ASB5: variants seen among roughly 807,000 people sequenced by gnomAD.
ASB5 encodes the protein ankyrin repeat and SOCS box protein 5.
In ASB5, 45 loss-of-function variants were observed where a neutral mutation model predicts 42.1. The observed-to-expected ratio is 1.07, with a 90% confidence interval of 0.84 to 1.37. The LOEUF (loss-of-function observed/expected upper bound fraction) is 1.37, where lower values mean the gene tolerates loss of function less well. ASB5 is among the 40% of genes most tolerant of loss of function. ASB5 has a pLI of 0.00. For missense variants in ASB5, 402 were observed against 399.8 expected (o/e 1.01, Z -0.05); for synonymous variants, 147 against 150.6 (o/e 0.98, Z 0.18).
chr4:176,221,555 A>C lies in ASB5; in HGVS notation c.430T>G (p.Cys144Gly). 1 of 1,613,832 alleles carries C rather than the reference A, an allele frequency of 6.2e-7. No homozygotes were observed. Among genetic ancestry groups the C allele is most frequent in the Non-Finnish European group, 8.5e-7 (1 of 1,179,790 alleles). Residue 144 changes from cysteine to glycine, a missense_variant, in exon 4 of 7, where the codon TGC becomes GGC. Coordinates refer to ENST00000296525, the MANE Select transcript of ASB5 (RefSeq NM_080874.4). ...IDGVTPLFNA[C>G]SQGSPSCAEL... is the part of the protein sequence containing the mutation. ...GCACAGCTTGGACTGCCTTGGGAGC[A>C]TGCGTTGAATAACGGAGTCACGCCA...
intron 1 of ASB5, among the ~76,000 whole-genome samples, 171 bp downstream of exon 1, chr4:176,268,742 T>TA (rs542647228): frequency 1.0e-3 from 152 of 152,234 alleles, no homozygotes; most frequent in African/African-American, 3.5e-3. Flanking sequence ...ACATTTACAT[T>TA]AAAAAAGTAA....
intron 1 of ASB5, among the ~76,000 whole-genome samples, chr4:176,226,254 G>A (rs1579315215): frequency 1.3e-5 from 2 of 152,156 alleles, no homozygotes; most frequent in South Asian, 4.1e-4. Flanking sequence ...CTCTCCTGGT[G>A]TTGGAACACT....
intron 1 of ASB5, among the ~76,000 whole-genome samples, chr4:176,243,835 TTAA>T (rs1361381397): frequency 2.0e-5 from 3 of 152,184 alleles, no homozygotes; most frequent in Admixed American, 6.6e-5. Flanking sequence ...TTTTCTCATA[TTAA>T]TATAGCAACA....
At position 176,221,170 on chromosome 4, in the gene ASB5, T is replaced by C; in HGVS notation, c.655A>G (p.Lys219Glu). The C allele has an allele frequency of 6.2e-7, 1 of 1,613,414 alleles. No homozygotes were observed. The highest frequency in any genetic ancestry group is 8.5e-7 in the Non-Finnish European group (1 of 1,179,792). The change falls in exon 5 of 7, where the codon AAG becomes GAG. Residue 219 changes from lysine (K) to glutamate (E), a missense_variant. Transcript: ENST00000296525. ...CMSQQFHCIW[K>E]LLYAGADVQK... is the part of the protein sequence containing the mutation. ...AGGAAAATACCAGCATAAAGAAGCT[T>C]CCAGATGCAATGGAATTGCTGTGAC...
At chr4:176,273,028 C>T (rs1238224940), upstream of ASB5, among the ~76,000 whole-genome samples, 1 of 149,130 alleles carries the variant, frequency 6.7e-6, no homozygotes, top group Non-Finnish European at 1.5e-5. Context: ...CAGCTCACTG[C>T]AGCCTCGACC....
rs530609719 is a variant in ASB5, at chr4:176,255,030, T to C, written c.196+13883A>G. 2.4e-4 allele frequency among the ~76,000 whole-genome samples: 36 copies of C among 152,284 alleles called. No individual in the cohort carries two copies. The East Asian group carries it at 5.0e-3, about 21-fold the overall frequency. Reference sequence around the variant, plus strand: ...CTGTAATCCCAGCTACTCAGGAGGCTGAGGCAGGAGAATCACTTGAACCCG... The same window carrying C: ...CTGTAATCCCAGCTACTCAGGAGGCCGAGGCAGGAGAATCACTTGAACCCG... On this transcript the variant is annotated intron_variant, in intron 1 of 6. Coordinates refer to ENST00000296525, the MANE Select transcript of ASB5 (RefSeq NM_080874.4).
chr4:176,256,046 G>A (rs1754149666), intron 1 of ASB5, among the ~76,000 whole-genome samples: 2 of 152,090 alleles, frequency 1.3e-5, no homozygotes, highest in African/African-American at 4.8e-5. Context: ...AAACTTTTAG[G>A]GGCTGTCATA....
intron 1 of ASB5, among the ~76,000 whole-genome samples, chr4:176,268,544 G>T (rs1349511739): frequency 6.6e-6 from 1 of 152,076 alleles, no homozygotes; most frequent in Non-Finnish European, 1.5e-5. Flanking sequence ...ATTAGAGGAC[G>T]ACTGAAGTGC....
Position 176,223,513 on chromosome 4 carries a change from T to A in ASB5, c.277-1093A>T, listed in dbSNP as rs1753282638. On this transcript the variant is annotated intron_variant, in intron 2 of 6. Transcript: ENST00000296525. Reference sequence around the variant, plus strand: ...TTGTTTGCCTTCTTGATATCTTTGGTATTTCATTGTCTATTGACAATCATA... The same window carrying A: ...TTGTTTGCCTTCTTGATATCTTTGGAATTTCATTGTCTATTGACAATCATA... Among the ~76,000 whole-genome samples the A allele has an allele frequency of 2.0e-5, 3 of 152,210 alleles. No individual in the cohort carries two copies. In the South Asian group the frequency reaches 6.2e-4, roughly 31 times the overall value.
upstream of ASB5, among the ~76,000 whole-genome samples, chr4:176,272,547 C>T (rs185432149): frequency 6.6e-6 from 1 of 152,240 alleles, no homozygotes; most frequent in African/African-American, 2.4e-5. Context: ...CTCTTTTTCT[C>T]ACCTCCATGC....
At chr4:176,216,688 C>T in intron 6 of ASB5, 130 bp downstream of exon 6, 2 of 800,184 alleles carry the variant, frequency 2.5e-6, no homozygotes, top group Non-Finnish European at 3.9e-6. Flanking sequence ...TAAAAATCAT[C>T]TACTTTCACA....
At chr4:176,233,403 T>C (rs1753601726) in intron 1 of ASB5, among the ~76,000 whole-genome samples, 1 of 152,216 alleles carries the variant, frequency 6.6e-6, no homozygotes, top group Non-Finnish European at 1.5e-5. Flanking sequence ...AAAATTTACT[T>C]CTGGGGATTC....
At chr4:176,219,591 TATATATATA>T (rs1753137244) in intron 5 of ASB5, among the ~76,000 whole-genome samples, 2 of 49,088 alleles carry the variant, frequency 4.1e-5, no homozygotes, top group Admixed American at 2.5e-4. Flanking sequence ...TATATATATA[TATATATATA>T]TATATATATA....
At chr4:176,263,815 C>T (rs1199706398) in intron 1 of ASB5, among the ~76,000 whole-genome samples, 1 of 152,132 alleles carries the variant, frequency 6.6e-6, no homozygotes, top group East Asian at 1.9e-4. Flanking sequence ...ATAGAGAATA[C>T]TACTGCTTCT....
Position 176,213,720 on chromosome 4 carries a change from A to T in ASB5, c.*1880T>A, listed in dbSNP as rs1752895077. 6.6e-6 allele frequency: 1 copy of T among 152,104 alleles called. No homozygotes were observed. Among genetic ancestry groups the T allele is most frequent in the Non-Finnish European group, 1.5e-5 (1 of 67,966 alleles). The allele number at this position is 152,104 out of a possible 1,614,324, so 9.4% of individuals were successfully genotyped here. On this transcript the variant is annotated 3_prime_UTR_variant, in exon 7 of 7. Coordinates refer to ENST00000296525, the MANE Select transcript of ASB5 (RefSeq NM_080874.4). ...CACACTTTAATATAATAACAAACAT[A>T]CAATACATTAAAGTTAGAACACTAC... is the stretch of plus-strand genomic sequence containing the variant.
intron 1 of ASB5, among the ~76,000 whole-genome samples, chr4:176,262,640 A>T (rs1014901798): frequency 6.6e-6 from 1 of 152,194 alleles, no homozygotes; most frequent in Non-Finnish European, 1.5e-5. Flanking sequence ...TTACTTGCCT[A>T]TCCATCTTTC....
rs748303167 is a variant in ASB5, at chr4:176,215,585, A to C, written c.*15T>G. On this transcript the variant is annotated 3_prime_UTR_variant, in exon 7 of 7. Coordinates refer to ENST00000296525, the MANE Select transcript of ASB5 (RefSeq NM_080874.4). ...AAATTTTGATTTTCAAGGTATTTAG[A>C]ATTACTTTACTGTTTTATCGATACT... 7 of 1,604,518 alleles carry C rather than the reference A, an allele frequency of 4.4e-6. No individual in the cohort carries two copies. The highest frequency in any genetic ancestry group is 1.7e-5 in the Admixed American group (1 of 58,112).
chr4:176,261,081 C>T (rs1037632547), intron 1 of ASB5, among the ~76,000 whole-genome samples: 3 of 152,112 alleles, frequency 2.0e-5, no homozygotes, highest in Non-Finnish European at 4.4e-5. Context: ...CCAAATACTT[C>T]ACCTGCTTTT....
intron 1 of ASB5, chr4:176,237,647 ATTTTCTAT>A: frequency 1.1e-6 from 1 of 890,644 alleles, no homozygotes; most frequent in South Asian, 5.2e-5. Flanking sequence ...ATGCTGGAGC[ATTTTCTAT>A]TTTTAAAGCA....
Sources: gnomAD v4.1 joint callset for allele counts (sites outside exome capture counted in the v4.1 genomes callset) on GRCh38, gnomAD v4.1.1 for gene constraint, MANE v1.5 for transcripts, NCBI Gene and HGNC (gene_info 2026-07-23, HGNC 2026-07-21) for gene names.